The following PDE4B variants were observed in gnomAD, a reference collection of about 807,000 sequenced individuals.
PDE4B encodes the protein 3',5'-cyclic-AMP phosphodiesterase 4B.
PDE4B carries 20 observed loss-of-function variants against 82.2 expected under a neutral mutation model. The ratio of observed to expected loss-of-function variants is 0.24; its 90% CI spans 0.17 to 0.35. The LOEUF (loss-of-function observed/expected upper bound fraction) is 0.35. Among genes scored for constraint, PDE4B ranks in the 10% least tolerant of loss-of-function variants. PDE4B has a pLI of 1.00. For missense variants in PDE4B, 655 were observed against 907.2 expected, an observed-to-expected ratio of 0.72 and a Z score of 3.57; for synonymous variants, 320 against 318.9, an observed-to-expected ratio of 1.00 and a Z score of -0.04.
At chr1:66,341,841 A>G (rs1661008994) in intron 8 of PDE4B, among the ~76,000 whole-genome samples, 1 of 152,208 alleles carries the variant, frequency 6.6e-6, no homozygotes, top group African/African-American at 2.4e-5. Flanking sequence ...CCTACACCCT[A>G]GAATGTTTCT....
At chr1:66,034,198 T>G (rs2100807770) in intron 3 of PDE4B, among the ~76,000 whole-genome samples, 1 of 152,332 alleles carries the variant, frequency 6.6e-6, no homozygotes, top group South Asian at 2.1e-4. Context: ...CCCTTAATTC[T>G]TATCTGTACA....
chr1:66,070,449 T>C (rs896696056), intron 3 of PDE4B, among the ~76,000 whole-genome samples: 2 of 151,708 alleles, frequency 1.3e-5, no homozygotes, highest in African/African-American at 2.4e-5. Context: ...CTGGGGGCGG[T>C]GAAAGGTGGT....
chr1:66,072,505 G>A (rs999508935), intron 3 of PDE4B, among the ~76,000 whole-genome samples: 2 of 152,106 alleles, frequency 1.3e-5, no homozygotes, highest in Non-Finnish European at 2.9e-5. Context: ...CTGGGGGAAA[G>A]GAGTGCAAGC....
At position 65,800,393 on chromosome 1, in the gene PDE4B, G is replaced by C. The variant is rs529500045; in HGVS notation, c.-71+7145G>C. Among the ~76,000 whole-genome samples, 8 of 152,286 alleles carry C rather than the reference G, an allele frequency of 5.3e-5. No homozygotes were observed. In the East Asian group the frequency reaches 1.5e-3, roughly 29 times the overall value. ...CAAAAAGATATAACAGAATGAGGCAGTTTTTTTCTAGTTAATTTCCCTAGA... is the reference window on the plus strand; with the variant it reads ...CAAAAAGATATAACAGAATGAGGCACTTTTTTTCTAGTTAATTTCCCTAGA... On this transcript the variant is annotated intron_variant, in intron 1 of 16. Transcript: ENST00000341517.
intron 7 of PDE4B, among the ~76,000 whole-genome samples, chr1:66,270,870 C>A (rs1655427627): frequency 1.3e-5 from 2 of 152,234 alleles, no homozygotes; most frequent in Admixed American, 6.5e-5. Flanking sequence ...ATTCTGAATT[C>A]TGTGTGCTGA....
chr1:66,087,481 A>G (rs1159643498), intron 3 of PDE4B, among the ~76,000 whole-genome samples: 1 of 152,116 alleles, frequency 6.6e-6, no homozygotes, highest in Non-Finnish European at 1.5e-5. Context: ...TTTGCTGTGC[A>G]GAAGCTCTTT....
intron 3 of PDE4B, among the ~76,000 whole-genome samples, chr1:66,203,830 A>C (rs1265286291): frequency 1.3e-5 from 2 of 152,068 alleles, no homozygotes; most frequent in African/African-American, 4.8e-5. Context: ...GATCATCTGA[A>C]GCCTTCTTCT....
intron 1 of PDE4B, among the ~76,000 whole-genome samples, chr1:65,838,326 G>A (rs1453399553): frequency 6.6e-6 from 1 of 151,934 alleles, no homozygotes; most frequent in Non-Finnish European, 1.5e-5. Flanking sequence ...GCTTGTGGAG[G>A]AGGACAGAGA....
chr1:66,138,850 T>C (rs555994334), intron 3 of PDE4B, among the ~76,000 whole-genome samples: 19 of 152,324 alleles, frequency 1.2e-4, no homozygotes, highest in Non-Finnish European at 2.2e-4. Flanking sequence ...ACCTAAGCTA[T>C]AACCTTTCCA....
Position 65,969,279 on chromosome 1 carries a change from A to G in PDE4B, c.281+50444A>G, listed in dbSNP as rs987149149. On this transcript the variant is annotated intron_variant, in intron 3 of 16. Transcript: ENST00000341517. The stretch of plus-strand genomic sequence containing the variant: ...TTCATGGTAAGTGCAAGAGAGCAAA[A>G]AGAGCTCTGAGAGGGTCTCACTTTG... Among the ~76,000 whole-genome samples the G allele has an allele frequency of 5.9e-5, 9 of 152,236 alleles. No individual in the cohort carries two copies. In the South Asian group the frequency reaches 1.9e-3, roughly 32 times the overall value.
chr1:66,069,199 A>G (rs192171801), intron 3 of PDE4B, among the ~76,000 whole-genome samples: 1 of 152,158 alleles, frequency 6.6e-6, no homozygotes, highest in African/African-American at 2.4e-5. Context: ...AGTCTGACCA[A>G]TAACTCCAAT....
intron 2 of PDE4B, among the ~76,000 whole-genome samples, chr1:65,917,545 A>C (rs1000253904): frequency 6.6e-6 from 1 of 152,218 alleles, no homozygotes; most frequent in East Asian, 1.9e-4. Context: ...TGAATGGTAC[A>C]CCAGGCAGAG....
At chr1:66,152,874 G>A (rs1457229587) in intron 3 of PDE4B, among the ~76,000 whole-genome samples, 2 of 152,030 alleles carry the variant, frequency 1.3e-5, no homozygotes, top group Admixed American at 1.3e-4. Context: ...TCTTCTCTGG[G>A]AAATGTGTTT....
intron 3 of PDE4B, among the ~76,000 whole-genome samples, chr1:65,945,758 A>G (rs1210971842): frequency 6.6e-6 from 1 of 151,982 alleles, no homozygotes; most frequent in Non-Finnish European, 1.5e-5. Context: ...TATCTGGCCC[A>G]GTCATCCTTG....
chr1:66,070,226 A>T (rs1656083819), intron 3 of PDE4B, among the ~76,000 whole-genome samples: 1 of 152,090 alleles, frequency 6.6e-6, no homozygotes, highest in East Asian at 1.9e-4. Flanking sequence ...AGCTAGATTG[A>T]TTAATGTGTC....
At chr1:65,813,440 A>G (rs776081776) in intron 1 of PDE4B, among the ~76,000 whole-genome samples, 3 of 149,156 alleles carry the variant, frequency 2.0e-5, no homozygotes, top group South Asian at 2.1e-4. Context: ...TATTTTTGCC[A>G]TATAAAATAA....
In PDE4B at chr1:66,257,802, A is replaced by G. The variant is rs773860312; in HGVS notation, c.523A>G (p.Ser175Gly). The stretch of plus-strand genomic sequence containing the variant: ...AACATTTTTCTTCTAGGTCCTTGCC[A>G]GCTTGCGAAGTGTGAGAAACAACTT... ...IVTPFAQVLASLRSVRNNFTI... is the reference protein window; with the variant it reads ...IVTPFAQVLAGLRSVRNNFTI... The change falls in exon 6 of 17, where the codon AGC becomes GGC. Residue 175 changes from serine (S) to glycine (G), a missense_variant. Transcript: ENST00000341517. 6.2e-7 allele frequency: 1 copy of G among 1,613,268 alleles called. No individual in the cohort carries two copies. The highest frequency in any genetic ancestry group is 8.5e-7 in the Non-Finnish European group (1 of 1,179,316).
chr1:66,147,416 A>T (rs1260533540), intron 3 of PDE4B, among the ~76,000 whole-genome samples: 1 of 152,224 alleles, frequency 6.6e-6, no homozygotes. Flanking sequence ...GGATTGGGAA[A>T]GGGAACCTGA....
At chr1:66,116,136 C>T (rs1645589197) in intron 3 of PDE4B, among the ~76,000 whole-genome samples, 1 of 152,124 alleles carries the variant, frequency 6.6e-6, no homozygotes, top group Non-Finnish European at 1.5e-5. Flanking sequence ...TGCTGAGATG[C>T]TCATTAAAGT....
Sources: gnomAD v4.1 joint callset for allele counts (sites outside exome capture counted in the v4.1 genomes callset) on GRCh38, gnomAD v4.1.1 for gene constraint, MANE v1.5 for transcripts, NCBI Gene and HGNC (gene_info 2026-07-23, HGNC 2026-07-21) for gene names.